Variants in NSMAF observed in about 807,000 individuals in gnomAD.
NSMAF encodes protein FAN.
Under a neutral mutation model 134.9 loss-of-function variants are expected in NSMAF, and 90 were observed. The ratio of observed to expected loss-of-function variants is 0.67; its 90% CI spans 0.56 to 0.79. The LOEUF is 0.79. Ranked by LOEUF, NSMAF falls within the 30% of genes least tolerant of loss-of-function variation. The probability of loss-of-function intolerance (pLI) is 0.00; values close to 1 mark genes in which losing one functional copy is unlikely to be tolerated. For missense variants in NSMAF, 1,010 were observed against 1,119.0 expected, an observed-to-expected ratio of 0.90 and a Z score of 1.39; for synonymous variants, 358 against 389.6, an observed-to-expected ratio of 0.92 and a Z score of 0.96.
chr8:58,642,435 T>C (rs899117512), intron 2 of NSMAF, among the ~76,000 whole-genome samples: 1 of 152,232 alleles, frequency 6.6e-6, no homozygotes, highest in Non-Finnish European at 1.5e-5. Flanking sequence ...TAGTGAGTAA[T>C]AGTTATTAAG....
At chr8:58,601,602 A>G in intron 14 of NSMAF, 67 bp from the exon 15 acceptor site, 1 of 1,524,318 alleles carries the variant, frequency 6.6e-7, no homozygotes, top group Non-Finnish European at 8.8e-7. Flanking sequence ...TGACAAGTAG[A>G]AAAAGCCTAA....
At chr8:58,620,446 T>C (rs1205815790) in intron 9 of NSMAF, among the ~76,000 whole-genome samples, 2 of 152,176 alleles carry the variant, frequency 1.3e-5, no homozygotes, top group East Asian at 1.9e-4. Context: ...CCTAAGAGTC[T>C]TGGGGCCATG....
intron 1 of NSMAF, among the ~76,000 whole-genome samples, chr8:58,651,664 T>C (rs575926421): frequency 3.3e-5 from 5 of 152,238 alleles, no homozygotes; most frequent in Non-Finnish European, 7.3e-5. Context: ...TCAGCCTTTT[T>C]ATATGTACTA....
In NSMAF at chr8:58,655,708, C is replaced by G. The variant is rs553878099; in HGVS notation, c.59+3865G>C. ...GGATCACGAGGACAGGAGATCGAGA[C>G]CATCCTGGCTAACACGGTGAAACTC... On this transcript the variant is annotated intron_variant, in intron 1 of 30. Coordinates refer to ENST00000038176, the MANE Select transcript of NSMAF (RefSeq NM_003580.4). 5.7e-4 allele frequency among the ~76,000 whole-genome samples: 86 copies of G among 151,998 alleles called. 1 individual carries two copies. In the South Asian group the frequency reaches 0.017, roughly 29 times the overall value.
intron 25 of NSMAF, 110 bp from the exon 26 acceptor site, chr8:58,589,685 C>G (rs779738526): frequency 5.8e-6 from 6 of 1,041,082 alleles, no homozygotes; most frequent in Non-Finnish European, 8.0e-6. Flanking sequence ...CTAAGGCTCA[C>G]TAGAATTACA....
chr8:58,606,385 CATAA>C (rs1275378038), intron 11 of NSMAF, among the ~76,000 whole-genome samples: 1 of 152,160 alleles, frequency 6.6e-6, no homozygotes, highest in Non-Finnish European at 1.5e-5. Flanking sequence ...CTTCTTCAAA[CATAA>C]ATGTCTAGCT....
At chr8:58,607,874 TG>T in intron 10 of NSMAF, 34 bp from the exon 11 acceptor site, 4 of 1,536,266 alleles carry the variant, frequency 2.6e-6, no homozygotes, top group Non-Finnish European at 2.7e-6. Flanking sequence ...CAAACATTAT[TG>T]TTCTGACACA....
intron 27 of NSMAF, among the ~76,000 whole-genome samples, chr8:58,586,834 G>A (rs1805896616): frequency 6.6e-6 from 1 of 152,152 alleles, no homozygotes; most frequent in Non-Finnish European, 1.5e-5. Context: ...AAGAAATGAA[G>A]TATTGCTAAA....
intron 23 of NSMAF, among the ~76,000 whole-genome samples, chr8:58,592,223 T>C (rs1806035803): frequency 6.6e-6 from 1 of 152,198 alleles, no homozygotes; most frequent in Non-Finnish European, 1.5e-5. Context: ...GTCGGTTCTA[T>C]AAAGATGTTT....
chr8:58,621,613 A>T (rs1406800109), intron 9 of NSMAF, among the ~76,000 whole-genome samples: 1 of 152,202 alleles, frequency 6.6e-6, no homozygotes, highest in African/African-American at 2.4e-5. Flanking sequence ...CAACCTCACC[A>T]GCATGTTATT....
rs57177969 is a variant in NSMAF, at chr8:58,601,560, A to AAAG, written c.1126-26_1126-25insCTT. On this transcript the variant is annotated intron_variant, in intron 14 of 30. Coordinates refer to ENST00000038176, the MANE Select transcript of NSMAF (RefSeq NM_003580.4). ...TCTAGAATACAGAAAAAAAAAAAAAATAGAGCTAAGTGTTGGCTATGAAAT... is the reference window on the plus strand; with the variant it reads ...TCTAGAATACAGAAAAAAAAAAAAAAAAGTAGAGCTAAGTGTTGGCTATGAAAT... The AAAG allele has an allele frequency of 7.0e-4, 1,104 of 1,575,128 alleles. 8 individuals are homozygous for AAAG. The African/African-American group carries it at 0.014, about 20-fold the overall frequency.
intron 19 of NSMAF, among the ~76,000 whole-genome samples, chr8:58,598,829 C>G (rs1232217850): frequency 7.3e-6 from 1 of 136,796 alleles, no homozygotes; most frequent in Non-Finnish European, 1.6e-5. Flanking sequence ...TTGAGACCAA[C>G]CTGGCCAACA....
Position 58,606,045 on chromosome 8 carries a change from C to A in NSMAF, c.760-10G>T. 1 of 1,323,836 alleles carries A rather than the reference C, an allele frequency of 7.6e-7. No homozygotes were observed. The highest frequency in any genetic ancestry group is 1.4e-5 in the South Asian group (1 of 73,438). 82.0% of individuals were successfully genotyped at this position (1,323,836 alleles called of 1,614,324 possible). On this transcript the variant is annotated splice_polypyrimidine_tract_variant and intron_variant, in intron 11 of 30. Coordinates refer to ENST00000038176, the MANE Select transcript of NSMAF (RefSeq NM_003580.4). ...AAAATACTTCCAAGCCCTATAAATT[C>A]AAAAAGAAAATAATAAAATAAATAG...
At chr8:58,591,040 TACTCCA>T in intron 23 of NSMAF, 106 bp from the exon 24 acceptor site, 4 of 1,274,620 alleles carry the variant, frequency 3.1e-6, no homozygotes, top group Non-Finnish European at 4.2e-6. Context: ...GTACACTTTA[TACTCCA>T]AAGTATAATC....
intron 2 of NSMAF, among the ~76,000 whole-genome samples, chr8:58,637,651 A>T (rs1166253955): frequency 6.6e-6 from 1 of 152,252 alleles, no homozygotes; most frequent in Non-Finnish European, 1.5e-5. Flanking sequence ...AGTAAAACTG[A>T]AGAATACAAA....
At chr8:58,657,716 A>T (rs917203469) in intron 1 of NSMAF, among the ~76,000 whole-genome samples, 4 of 152,258 alleles carry the variant, frequency 2.6e-5, no homozygotes, top group Non-Finnish European at 5.9e-5. Flanking sequence ...CAGAGCACTA[A>T]ACAATTTGGG....
chr8:58,586,412 T>C, intron 28 of NSMAF, 46 bp downstream of exon 28: 2 of 1,514,124 alleles, frequency 1.3e-6, no homozygotes, highest in Non-Finnish European at 1.8e-6. Flanking sequence ...TATTTCAAAA[T>C]TCCAATTTAC....
At position 58,603,263 on chromosome 8, in the gene NSMAF, G is replaced by C. The variant is rs566212009; in HGVS notation, c.992C>G (p.Ser331Cys). The change falls in exon 13 of 31, where the codon TCC becomes TGC. Residue 331 changes from serine (S) to cysteine (C), a missense_variant. Transcript: ENST00000038176. ...NLADRSCNDL[S>C]QYPVFPWIIH... ...TATCCATGGAAACACAGGGTACTGG[G>C]AGAGGTCGTTGCAGCTGCGGTCGGC... The C allele has an allele frequency of 1.2e-6, 2 of 1,614,212 alleles. No homozygotes were observed. The highest frequency in any genetic ancestry group is 1.7e-5 in the Admixed American group (1 of 60,026).
chr8:58,633,701 A>C (rs981627724), intron 5 of NSMAF, among the ~76,000 whole-genome samples: 3 of 152,200 alleles, frequency 2.0e-5, no homozygotes, highest in African/African-American at 7.2e-5. Flanking sequence ...CTTTAGCAGC[A>C]ACAAAAAAAT....
Sources: gnomAD v4.1 joint callset for allele counts (sites outside exome capture counted in the v4.1 genomes callset) on GRCh38, gnomAD v4.1.1 for gene constraint, MANE v1.5 for transcripts, NCBI Gene and HGNC (gene_info 2026-07-23, HGNC 2026-07-21) for gene names.